LSM7: variants seen among roughly 807,000 people sequenced by gnomAD.
LSM7 encodes U6 snRNA-associated Sm-like protein LSm7.
A neutral mutation model predicts 14.1 loss-of-function variants in LSM7; 13 were observed. The observed-to-expected ratio is 0.92, with a 90% CI of 0.60 to 1.47. The LOEUF (loss-of-function observed/expected upper bound fraction) is 1.47, where lower values mean the gene tolerates loss of function less well. LSM7 is among the 40% of genes most tolerant of loss of function. LSM7 has a pLI of 0.00. For missense variants in LSM7, 108 were observed against 140.8 expected (o/e 0.77, Z 1.18); for synonymous variants, 70 against 57.1 (o/e 1.23, Z -1.02).
chr19:2,326,691 G>A (rs1260028202), intron 2 of LSM7, among the ~76,000 whole-genome samples: 1 of 152,042 alleles, frequency 6.6e-6, no homozygotes. Flanking sequence ...GGCTGGTCTC[G>A]AACTCCTGAC....
chr19:2,327,681 C>A (rs150153600), intron 2 of LSM7, among the ~76,000 whole-genome samples: 382 of 152,290 alleles, frequency 2.5e-3, no homozygotes, highest in Middle Eastern at 6.8e-3. Flanking sequence ...GGATTACACA[C>A]GTGAGCCGCC....
intron 3 of LSM7, among the ~76,000 whole-genome samples, chr19:2,322,329 G>A (rs1265373132): frequency 1.3e-5 from 2 of 152,066 alleles, no homozygotes; most frequent in East Asian, 3.9e-4. Context: ...CACGAGGTCA[G>A]GAGATCGAGA....
At chr19:2,323,864 C>T (rs769190410) in intron 3 of LSM7, among the ~76,000 whole-genome samples, 1 of 152,124 alleles carries the variant, frequency 6.6e-6, no homozygotes, top group Admixed American at 6.5e-5. Flanking sequence ...GAGCTGGCAG[C>T]TCCCGTCTCT....
intron 2 of LSM7, among the ~76,000 whole-genome samples, chr19:2,325,394 A>C (rs1967999107): frequency 7.4e-6 from 1 of 134,574 alleles, no homozygotes; most frequent in African/African-American, 2.6e-5. Context: ...TCCCGCAGCC[A>C]CCCCCTCCCT....
intron 2 of LSM7, among the ~76,000 whole-genome samples, chr19:2,327,609 C>G (rs890421010): frequency 6.3e-4 from 96 of 152,176 alleles, no homozygotes; most frequent in African/African-American, 2.2e-3. Flanking sequence ...GCGGTCATAG[C>G]TCACTGCAGC....
At chr19:2,325,196 C>T (rs551345443) in intron 2 of LSM7, among the ~76,000 whole-genome samples, 5 of 152,250 alleles carry the variant, frequency 3.3e-5, no homozygotes, top group African/African-American at 1.2e-4. Flanking sequence ...CTCTCTGACC[C>T]GGTGGTGATC....
Position 2,321,581 on chromosome 19 carries a change from T to G in LSM7, c.*99A>C. The G allele has an allele frequency of 1.6e-6, 2 of 1,225,962 alleles. No homozygotes were observed. Among genetic ancestry groups the G allele is most frequent in the South Asian group, 4.7e-5 (2 of 42,566 alleles). 75.9% of individuals were successfully genotyped at this position (1,225,962 alleles called of 1,614,324 possible). ...CAACCTATACAAAAAGGAAAATGCT[T>G]CCGTTCCAGGAGGCGGTACTGCGGT... On this transcript the variant is annotated 3_prime_UTR_variant, in exon 4 of 4. Transcript: ENST00000252622. This position sits in a 1 kb window ranked among gnomAD's most constrained non-coding sequence, Gnocchi z 5.0.
chr19:2,325,892 C>T (rs1968007343), intron 2 of LSM7: 1 of 152,338 alleles, frequency 6.6e-6, no homozygotes, highest in Non-Finnish European at 1.5e-5. Flanking sequence ...TGCATACAAG[C>T]TTCCGTCCAC....
At chr19:2,326,502 A>G (rs1057057701) in intron 2 of LSM7, among the ~76,000 whole-genome samples, 7 of 152,272 alleles carry the variant, frequency 4.6e-5, no homozygotes, top group African/African-American at 1.7e-4. Context: ...TGCCCAAATA[A>G]TTTTTGTATT....
rs373574624 is a variant in LSM7, at chr19:2,328,578, G to C, written c.-12C>G. On this transcript the variant is annotated 5_prime_UTR_variant, in exon 1 of 4. Coordinates refer to ENST00000252622, the MANE Select transcript of LSM7 (RefSeq NM_016199.3). ...GCGCTCACCGCCATCTTGTCGCGCC[G>C]TGTGGCTCTTCGCAGGCACCGCCCC... 6 of 1,576,990 alleles carry C rather than the reference G, an allele frequency of 3.8e-6. No individual in the cohort carries two copies. The highest frequency in any genetic ancestry group is 1.3e-5 in the African/African-American group (1 of 74,248).
chr19:2,328,537 C>G (rs748849953), intron 1 of LSM7, 24 bp downstream of exon 1: 5 of 1,604,170 alleles, frequency 3.1e-6, no homozygotes, highest in Middle Eastern at 3.3e-4. Flanking sequence ...CGCCCCCCGG[C>G]TCCAGATTCC....
At position 2,323,598 on chromosome 19, in the gene LSM7, G is replaced by C. The variant is rs552662135; in HGVS notation, c.169+527C>G. Among the ~76,000 whole-genome samples the C allele has an allele frequency of 5.9e-5, 9 of 152,262 alleles. No individual in the cohort carries two copies. In the East Asian group the frequency reaches 9.7e-4, roughly 16 times the overall value. On this transcript the variant is annotated intron_variant, in intron 3 of 3. Transcript: ENST00000252622. Reference sequence around the variant, plus strand: ...CCCGAGCAGCTGGGATTACAGGCATGCGCCACCACACCCAGCAATTTTTTT... The same window carrying C: ...CCCGAGCAGCTGGGATTACAGGCATCCGCCACCACACCCAGCAATTTTTTT...
At chr19:2,327,414 T>C (rs1020381836) in intron 2 of LSM7, among the ~76,000 whole-genome samples, 7 of 152,074 alleles carry the variant, frequency 4.6e-5, no homozygotes, top group Admixed American at 2.0e-4. Context: ...AGCTAACTTT[T>C]TGTATTTTAG....
At position 2,321,803 on chromosome 19, in the gene LSM7, C is replaced by T; in HGVS notation, c.189G>A (p.Lys63=). The change falls in exon 4 of 4, where the codon AAG becomes AAA. Residue 63 remains lysine (K), a synonymous_variant. Transcript: ENST00000252622. The surrounding 1 kb of genome is among the most constrained non-coding windows in gnomAD (Gnocchi z 5.0). Reference sequence around the variant, plus strand: ...CCAGCTGCCGGGTGTCCTCCGTGAGCTTGTACTGGTCGTCAGGGTCTGGGG... The same window carrying T: ...CCAGCTGCCGGGTGTCCTCCGTGAGTTTGTACTGGTCGTCAGGGTCTGGGG... ...EYMRDPDDQY[K]LTEDTRQLGL... is the part of the protein sequence containing the mutation. 2 of 1,520,160 alleles carry T rather than the reference C, an allele frequency of 1.3e-6. No homozygotes were observed. The highest frequency in any genetic ancestry group is 1.8e-6 in the Non-Finnish European group (2 of 1,130,052). The allele number at this position is 1,520,160 out of a possible 1,614,324, so 94.2% of individuals were successfully genotyped here. A position where few individuals can be genotyped will look rare whatever the true frequency, so the allele number is the denominator to read the frequency against.
intron 2 of LSM7, among the ~76,000 whole-genome samples, chr19:2,325,410 CCTT>C (rs1301000625): frequency 1.8e-5 from 2 of 109,346 alleles, no homozygotes; most frequent in South Asian, 3.1e-4. Flanking sequence ...TCCCTGCTCT[CCTT>C]CTTACCCCTG....
intron 2 of LSM7, among the ~76,000 whole-genome samples, chr19:2,326,520 G>C (rs1172232143): frequency 9.2e-5 from 14 of 152,240 alleles, no homozygotes; most frequent in Admixed American, 9.2e-4. Context: ...ATTTTTAGTA[G>C]AGATGGGGCC....
intron 3 of LSM7, among the ~76,000 whole-genome samples, chr19:2,323,137 C>T (rs184458973): frequency 3.3e-5 from 5 of 152,128 alleles, no homozygotes; most frequent in South Asian, 2.1e-4. Context: ...GGGGACTTGC[C>T]GCAGGAGCTT....
At chr19:2,322,882 A>C (rs1482124152) in intron 3 of LSM7, among the ~76,000 whole-genome samples, 2 of 139,564 alleles carry the variant, frequency 1.4e-5, no homozygotes, top group African/African-American at 3.0e-5. Context: ...CTGGCTAATT[A>C]CATTTTTTTT....
intron 3 of LSM7, among the ~76,000 whole-genome samples, chr19:2,323,481 C>T (rs1967964753): frequency 6.6e-6 from 1 of 152,194 alleles, no homozygotes; most frequent in South Asian, 2.1e-4. Flanking sequence ...GACGGAGTCT[C>T]ACTCTGTTAC....
Sources: gnomAD v4.1 joint callset for allele counts (sites outside exome capture counted in the v4.1 genomes callset) on GRCh38, gnomAD v4.1.1 for gene constraint, Gnocchi (gnomAD v3.1) non-coding constraint, MANE v1.5 for transcripts, NCBI Gene and HGNC (gene_info 2026-07-23, HGNC 2026-07-21) for gene names.